CELF1: variants seen among roughly 807,000 people sequenced by gnomAD.
CELF1 encodes the protein 50 kDa nuclear polyadenylated RNA-binding protein.
A neutral mutation model predicts 61.8 loss-of-function variants in CELF1; 10 were observed. That is an observed-to-expected ratio of 0.16 (90% CI 0.10 to 0.27). The LOEUF (loss-of-function observed/expected upper bound fraction) is 0.27, where lower values mean the gene tolerates loss of function less well. Among genes scored for constraint, CELF1 ranks in the 10% least tolerant of loss-of-function variants. The pLI is 1.00. For missense variants in CELF1, 380 were observed against 639.1 expected, an observed-to-expected ratio of 0.59 and a Z score of 4.37; for synonymous variants, 236 against 225.1, an observed-to-expected ratio of 1.05 and a Z score of -0.43.
At chr11:47,517,475 T>C (rs1031793541) in intron 1 of CELF1, among the ~76,000 whole-genome samples, 2 of 152,128 alleles carry the variant, frequency 1.3e-5, no homozygotes, top group Non-Finnish European at 2.9e-5. Context: ...ATGTAGCTAT[T>C]AAAGAAAATA....
chr11:47,509,537 CAG>C (rs2094880842), intron 1 of CELF1, among the ~76,000 whole-genome samples: 2 of 152,038 alleles, frequency 1.3e-5, no homozygotes, highest in Admixed American at 6.6e-5. Flanking sequence ...TTAGGCCACA[CAG>C]TGAGACCTTG....
chr11:47,517,965 C>A (rs1433246945), intron 1 of CELF1, among the ~76,000 whole-genome samples: 1 of 152,020 alleles, frequency 6.6e-6, no homozygotes, highest in Non-Finnish European at 1.5e-5. Flanking sequence ...TTAAAGAAAA[C>A]TTGAGCTTTT....
intron 1 of CELF1, among the ~76,000 whole-genome samples, chr11:47,511,931 C>G (rs557108293): frequency 6.6e-6 from 1 of 152,300 alleles, no homozygotes; most frequent in African/African-American, 2.4e-5. Context: ...TCACTGCAAC[C>G]TCTGCCTCCC....
intron 1 of CELF1, among the ~76,000 whole-genome samples, chr11:47,528,648 G>A (rs928746622): frequency 6.6e-6 from 1 of 151,876 alleles, no homozygotes; most frequent in Non-Finnish European, 1.5e-5. Flanking sequence ...TTGGGAGGTC[G>A]AGGCAGAGGT....
chr11:47,522,558 T>C (rs2095986517), intron 1 of CELF1, among the ~76,000 whole-genome samples: 2 of 149,692 alleles, frequency 1.3e-5, no homozygotes, highest in Non-Finnish European at 3.0e-5. Context: ...CCAGGCACAG[T>C]GGCTCAGGCC....
intron 1 of CELF1, among the ~76,000 whole-genome samples, chr11:47,540,329 C>T (rs2096741805): frequency 6.6e-6 from 1 of 152,172 alleles, no homozygotes; most frequent in Admixed American, 6.6e-5. Flanking sequence ...GTGATGTCTG[C>T]TCCTCTTGCT....
intron 1 of CELF1, among the ~76,000 whole-genome samples, chr11:47,533,818 A>C: frequency 6.6e-6 from 1 of 150,468 alleles, no homozygotes; most frequent in African/African-American, 2.4e-5. Context: ...CCAAAAAAAA[A>C]AAAAAAAAAA....
intron 1 of CELF1, among the ~76,000 whole-genome samples, chr11:47,508,701 A>C (rs2094765323): frequency 6.8e-6 from 1 of 148,044 alleles, no homozygotes; most frequent in Non-Finnish European, 1.5e-5. Context: ...CACACACATA[A>C]ATAAACAACA....
At chr11:47,495,591 T>C (rs759875668) in intron 3 of CELF1, among the ~76,000 whole-genome samples, 9 of 152,096 alleles carry the variant, frequency 5.9e-5, no homozygotes, top group Non-Finnish European at 1.2e-4. Context: ...GGAGAAGGGA[T>C]CCGAAGAAAA....
Position 47,488,931 on chromosome 11 carries a change from A to G in CELF1, c.165T>C (p.Ser55=). The stretch of plus-strand genomic sequence containing the variant: ...CGAAGAGTTCCCGCAAGTCCTTTTC[A>G]GACCAGGTCCTTGGAACCTGGCCCA... ...MFVGQVPRTW[S]EKDLRELFEQ... The change falls in exon 4 of 15, where the codon TCT becomes TCC. Residue 55 remains serine, a synonymous_variant. Transcript: ENST00000687097. 6.2e-7 allele frequency: 1 copy of G among 1,612,988 alleles called. No homozygotes were observed. The highest frequency in any genetic ancestry group is 8.5e-7 in the Non-Finnish European group (1 of 1,179,666).
chr11:47,531,272 C>CAA (rs144326170), intron 1 of CELF1, among the ~76,000 whole-genome samples: 10 of 149,804 alleles, frequency 6.7e-5, no homozygotes, highest in African/African-American at 2.2e-4. Flanking sequence ...CAACAAAAAA[C>CAA]AAAAAAAAAC....
In CELF1 at chr11:47,471,610, A is replaced by C. The variant is rs1326717436; in HGVS notation, c.*620T>G. ...AAGAGCAGCAGAAATTCCGGACAAG[A>C]ATCTGAAAAATAGGTGTCAAAAACT... On this transcript the variant is annotated 3_prime_UTR_variant, in exon 15 of 15. Coordinates refer to ENST00000687097, the MANE Select transcript of CELF1 (RefSeq NM_001376376.1). 1 of 152,220 alleles carries C rather than the reference A, an allele frequency of 6.6e-6. No homozygotes were observed. The highest frequency in any genetic ancestry group is 1.5e-5 in the Non-Finnish European group (1 of 68,044). 9.4% of individuals were successfully genotyped at this position (152,220 alleles called of 1,614,324 possible).
chr11:47,496,946 T>A (rs928763175), intron 3 of CELF1, among the ~76,000 whole-genome samples: 1 of 152,150 alleles, frequency 6.6e-6, no homozygotes, highest in Non-Finnish European at 1.5e-5. Flanking sequence ...ATCTGGAGGA[T>A]GAAATAAGGC....
At chr11:47,550,974 T>C (rs1207145983) in intron 1 of CELF1, among the ~76,000 whole-genome samples, 1 of 152,062 alleles carries the variant, frequency 6.6e-6, no homozygotes, top group East Asian at 1.9e-4. Context: ...TAACTTCAAT[T>C]CAGGGTCCTT....
chr11:47,538,504 A>G (rs570656519), intron 1 of CELF1, among the ~76,000 whole-genome samples: 15 of 152,006 alleles, frequency 9.9e-5, no homozygotes, highest in Non-Finnish European at 2.1e-4. Context: ...TTAGCCAGGC[A>G]TGGTGGTGGG....
chr11:47,487,031 CCTTTA>C (rs1565790806), intron 5 of CELF1, 123 bp downstream of exon 5: 1 of 795,780 alleles, frequency 1.3e-6, no homozygotes, highest in Admixed American at 2.1e-5. Context: ...TTTATGTCTT[CCTTTA>C]CATCAATTCC....
At chr11:47,487,577 T>C (rs915547047) in intron 4 of CELF1, among the ~76,000 whole-genome samples, 1 of 152,196 alleles carries the variant, frequency 6.6e-6, no homozygotes, top group Non-Finnish European at 1.5e-5. Context: ...AGGTGGTATA[T>C]GAGACAAGAA....
intron 10 of CELF1, 39 bp downstream of exon 10, chr11:47,478,838 C>A (rs1382740424): frequency 6.6e-7 from 1 of 1,526,382 alleles, no homozygotes. Flanking sequence ...GTCTGCTGGC[C>A]TGGGTGCTGC....
chr11:47,508,558 AT>A (rs1463961162), intron 1 of CELF1, among the ~76,000 whole-genome samples: 7 of 111,068 alleles, frequency 6.3e-5, no homozygotes. Flanking sequence ...AGAAAAAAAA[AT>A]GAATTTCTTT....
Sources: gnomAD v4.1 joint callset for allele counts (sites outside exome capture counted in the v4.1 genomes callset) on GRCh38, gnomAD v4.1.1 for gene constraint, MANE v1.5 for transcripts, NCBI Gene and HGNC (gene_info 2026-07-23, HGNC 2026-07-21) for gene names.